Variants in KCNIP1 observed in about 807,000 individuals in gnomAD.
KCNIP1 encodes the protein potassium voltage-gated channel interacting protein 1.
KCNIP1 carries 18 observed loss-of-function variants against 33.0 expected under a neutral mutation model. The ratio of observed to expected loss-of-function variants is 0.55; its 90% confidence interval spans 0.38 to 0.81. The LOEUF is 0.81. KCNIP1 is among the 30% of genes least tolerant of loss of function. KCNIP1 has a pLI of 0.00. For synonymous variants in KCNIP1, 93 were observed against 98.3 expected (o/e 0.95, Z 0.32); for missense variants, 238 against 271.6 (o/e 0.88, Z 0.87).
chr5:170,436,170 G>A (rs1334196856), intron 1 of KCNIP1, among the ~76,000 whole-genome samples: 1 of 152,208 alleles, frequency 6.6e-6, no homozygotes, highest in Non-Finnish European at 1.5e-5. Flanking sequence ...AAGAGCCACT[G>A]CTCTAGGCAA....
intron 3 of KCNIP1, 50 bp from the exon 4 acceptor site, chr5:170,721,783 C>G: frequency 6.2e-7 from 1 of 1,614,160 alleles, no homozygotes; most frequent in African/African-American, 1.3e-5. Flanking sequence ...AAGGTTCTCC[C>G]TGTGTGGAAT....
At chr5:170,720,242 C>T (rs112638245) in intron 2 of KCNIP1, 79 bp from the exon 3 acceptor site, 27,841 of 1,014,138 alleles carry the variant, frequency 0.027, 484 homozygotes, top group Non-Finnish European at 0.032. Flanking sequence ...TGAGGAACCC[C>T]AGACACCAAG....
rs1163726987 is a variant in KCNIP1 at position 170,504,426 on chromosome 5, C to A, written c.-147C>A. 1.2e-5 allele frequency: 18 copies of A among 1,487,182 alleles called. No individual in the cohort carries two copies. The highest frequency in any genetic ancestry group is 1.6e-5 in the Non-Finnish European group (18 of 1,126,106). 92.1% of individuals were successfully genotyped at this position (1,487,182 alleles called of 1,614,324 possible). A position where few individuals can be genotyped will look rare whatever the true frequency, so the allele number is the denominator to read the frequency against. On this transcript the variant is annotated 5_prime_UTR_variant, in exon 1 of 8. Transcript: ENST00000328939. The surrounding 1 kb of genome is among the most constrained non-coding windows in gnomAD (Gnocchi z 6.0). The stretch of plus-strand genomic sequence containing the variant: ...AGCCAGAAGCCTCCTAGCCTCGCCT[C>A]CACGCTTGCTGAATACCAAGCTGCA...
At chr5:170,712,799 G>T (rs1190096216) in intron 1 of KCNIP1, 2 of 1,564,504 alleles carry the variant, frequency 1.3e-6, no homozygotes, top group Non-Finnish European at 1.8e-6. Context: ...CAATAAAAGT[G>T]TGTTTTGCTT....
At chr5:170,463,087 C>A (rs976279139) in intron 1 of KCNIP1, among the ~76,000 whole-genome samples, 1 of 151,786 alleles carries the variant, frequency 6.6e-6, no homozygotes, top group Non-Finnish European at 1.5e-5. Context: ...ACTCATGTAA[C>A]AAAACATCAC....
At chr5:170,561,702 C>T (rs62394286) in intron 1 of KCNIP1, among the ~76,000 whole-genome samples, 1 of 152,206 alleles carries the variant, frequency 6.6e-6, no homozygotes, top group Non-Finnish European at 1.5e-5. Flanking sequence ...GTGCCTGGCA[C>T]ACAGTAGGTA....
intron 1 of KCNIP1, among the ~76,000 whole-genome samples, chr5:170,365,655 A>G (rs1464533198): frequency 2.0e-5 from 3 of 152,186 alleles, no homozygotes; most frequent in Non-Finnish European, 4.4e-5. Flanking sequence ...GCTGGCTTCC[A>G]TGGCTGTGTT....
intron 1 of KCNIP1, among the ~76,000 whole-genome samples, chr5:170,479,402 A>G (rs1756925369): frequency 6.6e-6 from 1 of 152,152 alleles, no homozygotes; most frequent in South Asian, 2.1e-4. Flanking sequence ...TTTTTCCAAG[A>G]CTATTAGATG....
chr5:170,458,847 G>T (rs888495676), intron 1 of KCNIP1, among the ~76,000 whole-genome samples: 1 of 152,006 alleles, frequency 6.6e-6, no homozygotes, highest in African/African-American at 2.4e-5. Flanking sequence ...GAATGTAATG[G>T]TACCTCACAC....
At chr5:170,572,177 A>C (rs1222767476) in intron 1 of KCNIP1, among the ~76,000 whole-genome samples, 4 of 152,178 alleles carry the variant, frequency 2.6e-5, no homozygotes. Context: ...TCCTGACTTC[A>C]AGAGGAGCTG....
intron 1 of KCNIP1, among the ~76,000 whole-genome samples, chr5:170,421,638 A>G (rs955510471): frequency 6.6e-6 from 1 of 152,154 alleles, no homozygotes; most frequent in African/African-American, 2.4e-5. Flanking sequence ...CCTATTTGCC[A>G]TGGTTCCAGC....
chr5:170,675,331 A>T (rs1216219364), intron 1 of KCNIP1, among the ~76,000 whole-genome samples: 4 of 151,662 alleles, frequency 2.6e-5, no homozygotes, highest in Non-Finnish European at 4.4e-5. Context: ...AATAAATAAA[A>T]ATAAATGGCC....
At chr5:170,526,336 T>C (rs1193817121) in intron 1 of KCNIP1, among the ~76,000 whole-genome samples, 4 of 152,214 alleles carry the variant, frequency 2.6e-5, no homozygotes. Context: ...AGCCCATTTC[T>C]GTAGATGAAG....
At chr5:170,424,948 C>G (rs961557092) in intron 1 of KCNIP1, among the ~76,000 whole-genome samples, 2 of 152,184 alleles carry the variant, frequency 1.3e-5, no homozygotes, top group African/African-American at 4.8e-5. Flanking sequence ...TCATGCCTAC[C>G]TAAGGGCCTT....
chr5:170,508,877 G>A (rs879103391), intron 1 of KCNIP1, among the ~76,000 whole-genome samples: 5 of 152,076 alleles, frequency 3.3e-5, no homozygotes, highest in Non-Finnish European at 7.4e-5. Context: ...TCACAATCGC[G>A]CTTGGAATTA....
chr5:170,600,335 A>G (rs545945506), intron 1 of KCNIP1, among the ~76,000 whole-genome samples: 2 of 152,286 alleles, frequency 1.3e-5, no homozygotes, highest in African/African-American at 4.8e-5. Flanking sequence ...ATCATGCTGT[A>G]TTTAGCGTCC....
chr5:170,390,538 A>ATATATATT (rs1554088948), intron 1 of KCNIP1, among the ~76,000 whole-genome samples: 2 of 131,212 alleles, frequency 1.5e-5, no homozygotes, highest in Admixed American at 7.8e-5. Context: ...ATATATATAT[A>ATATATATT]TTTTCAACAA....
At chr5:170,428,006 C>T (rs936957834) in intron 1 of KCNIP1, among the ~76,000 whole-genome samples, 2 of 152,256 alleles carry the variant, frequency 1.3e-5, no homozygotes, top group Non-Finnish European at 2.9e-5. Context: ...ATGCCTTCCT[C>T]TCTCCTCCAC....
At chr5:170,610,839 C>T (rs1359217497) in intron 1 of KCNIP1, among the ~76,000 whole-genome samples, 2 of 152,198 alleles carry the variant, frequency 1.3e-5, no homozygotes, top group South Asian at 2.1e-4. Context: ...AACCTATGTC[C>T]ATGTCTCCTG....
Sources: allele counts gnomAD v4.1 joint callset (sites outside exome capture counted in the v4.1 genomes callset), GRCh38; gene constraint gnomAD v4.1.1; non-coding constraint Gnocchi (gnomAD v3.1); transcripts MANE v1.5; gene names NCBI Gene and HGNC (gene_info 2026-07-23, HGNC 2026-07-21).